Variants in IGF1R observed in about 807,000 individuals in gnomAD.
IGF1R encodes the protein insulin-like growth factor 1 receptor.
A neutral mutation model predicts 144.6 loss-of-function variants in IGF1R; 44 were observed. The ratio of observed to expected loss-of-function variants is 0.30; its 90% CI spans 0.24 to 0.39. The LOEUF (loss-of-function observed/expected upper bound fraction) is 0.39, where lower values mean the gene tolerates loss of function less well. IGF1R is among the 10% of genes least tolerant of loss of function. IGF1R has a pLI of 1.00. For synonymous variants in IGF1R, 795 were observed against 722.8 expected, an observed-to-expected ratio of 1.10 and a Z score of -1.60; for missense variants, 1,355 against 1,833.7, an observed-to-expected ratio of 0.74 and a Z score of 4.77.
chr15:98,764,098 A>G (rs1039397024), intron 2 of IGF1R, among the ~76,000 whole-genome samples: 5 of 152,222 alleles, frequency 3.3e-5, no homozygotes, highest in Non-Finnish European at 7.3e-5. Context: ...ATAAATAGAC[A>G]TTTAGTTTGC....
chr15:98,843,725 G>A lies in IGF1R; in HGVS notation c.641-47600G>A, dbSNP rs45517845. Reference sequence around the variant, plus strand: ...CTGAGCAATACGGAAGAAATTCACCGCTGGTTATAGGTCTTCAGTGCTTTC... The same window carrying A: ...CTGAGCAATACGGAAGAAATTCACCACTGGTTATAGGTCTTCAGTGCTTTC... On this transcript the variant is annotated intron_variant, in intron 2 of 20. Coordinates refer to ENST00000650285, the MANE Select transcript of IGF1R (RefSeq NM_000875.5). 9.2e-3 allele frequency among the ~76,000 whole-genome samples: 1,407 copies of A among 152,200 alleles called. 21 individuals carry two copies. Among genetic ancestry groups the A allele is most frequent in the African/African-American group, 0.032 (1,330 of 41,514 alleles).
chr15:98,901,348 G>C (rs923440171), intron 5 of IGF1R, among the ~76,000 whole-genome samples: 3 of 152,150 alleles, frequency 2.0e-5, no homozygotes, highest in Non-Finnish European at 4.4e-5. Context: ...GCTTCTAAGA[G>C]GCTCTTTCTT....
At chr15:98,905,302 A>G (rs1173323992) in intron 5 of IGF1R, among the ~76,000 whole-genome samples, 3 of 152,164 alleles carry the variant, frequency 2.0e-5, no homozygotes, top group Admixed American at 2.0e-4. Flanking sequence ...GAGAAGGCTG[A>G]GAACCAGGAT....
chr15:98,727,680 G>C (rs998487135), intron 2 of IGF1R, among the ~76,000 whole-genome samples: 1 of 152,226 alleles, frequency 6.6e-6, no homozygotes, highest in Non-Finnish European at 1.5e-5. Flanking sequence ...GGAGGGCAGA[G>C]AGCAGGTCTT....
At chr15:98,674,211 A>G (rs1158765131) in intron 1 of IGF1R, among the ~76,000 whole-genome samples, 1 of 152,232 alleles carries the variant, frequency 6.6e-6, no homozygotes, top group Non-Finnish European at 1.5e-5. Flanking sequence ...ACGGTTAGAC[A>G]TACCCAAAAG....
intron 1 of IGF1R, among the ~76,000 whole-genome samples, chr15:98,678,214 A>G (rs2053095912): frequency 6.6e-6 from 1 of 152,168 alleles, no homozygotes; most frequent in Non-Finnish European, 1.5e-5. Flanking sequence ...TCCCGTGTTA[A>G]ACTATTTTTG....
intron 1 of IGF1R, among the ~76,000 whole-genome samples, chr15:98,685,041 C>A (rs907048970): frequency 6.7e-6 from 1 of 149,924 alleles, no homozygotes; most frequent in Non-Finnish European, 1.5e-5. Context: ...GTCCCAGGCT[C>A]AAGGGATCCT....
At chr15:98,916,508 C>T (rs751031064) in intron 9 of IGF1R, 164 bp from the exon 10 acceptor site, 21 of 705,174 alleles carry the variant, frequency 3.0e-5, no homozygotes, top group African/African-American at 8.8e-5. Flanking sequence ...GTGATTTGCC[C>T]GCCTCGGCCT....
chr15:98,904,990 G>A (rs2014664214), intron 5 of IGF1R, among the ~76,000 whole-genome samples: 1 of 152,212 alleles, frequency 6.6e-6, no homozygotes, highest in African/African-American at 2.4e-5. Context: ...GCCTCAGCCA[G>A]AAAAGCAGGG....
chr15:98,677,824 G>A (rs565681154), intron 1 of IGF1R, among the ~76,000 whole-genome samples: 12 of 152,332 alleles, frequency 7.9e-5, no homozygotes, highest in Non-Finnish European at 4.4e-5. Flanking sequence ...CATGCAGCTG[G>A]CTAGAAGGTG....
At chr15:98,788,735 GGTGA>G (rs1219830614) in intron 2 of IGF1R, among the ~76,000 whole-genome samples, 3 of 152,156 alleles carry the variant, frequency 2.0e-5, no homozygotes, top group Non-Finnish European at 2.9e-5. Flanking sequence ...TGTTCTGGCC[GGTGA>G]TTCAGCTCCA....
At chr15:98,686,344 C>T (rs543766477) in intron 1 of IGF1R, among the ~76,000 whole-genome samples, 18 of 152,188 alleles carry the variant, frequency 1.2e-4, no homozygotes, top group Non-Finnish European at 2.5e-4. Flanking sequence ...GAGTTGCTCC[C>T]CCGCTTTGGC....
At chr15:98,826,796 CAG>C (rs2056902055) in intron 2 of IGF1R, among the ~76,000 whole-genome samples, 1 of 152,174 alleles carries the variant, frequency 6.6e-6, no homozygotes, top group Non-Finnish European at 1.5e-5. Context: ...GTGATAAAGA[CAG>C]AGGGAAGTGC....
intron 2 of IGF1R, among the ~76,000 whole-genome samples, chr15:98,724,776 G>A (rs930739792): frequency 5.3e-5 from 8 of 152,160 alleles, no homozygotes; most frequent in Non-Finnish European, 1.0e-4. Flanking sequence ...AGGGAGCCCC[G>A]GATGCCTCGG....
chr15:98,953,707 G>A (rs538180532), intron 20 of IGF1R, among the ~76,000 whole-genome samples: 1 of 152,280 alleles, frequency 6.6e-6, no homozygotes, highest in South Asian at 2.1e-4. Flanking sequence ...TGGTCTACAG[G>A]ATTCAGGAGG....
At chr15:98,729,306 G>A (rs770368667) in intron 2 of IGF1R, among the ~76,000 whole-genome samples, 5 of 152,174 alleles carry the variant, frequency 3.3e-5, no homozygotes, top group Non-Finnish European at 5.9e-5. Flanking sequence ...GTGAATGCTG[G>A]TTCAATCATT....
At chr15:98,898,836 C>G (rs2014330337) in intron 4 of IGF1R, among the ~76,000 whole-genome samples, 1 of 152,168 alleles carries the variant, frequency 6.6e-6, no homozygotes, top group Non-Finnish European at 1.5e-5. Flanking sequence ...GTTTGTACAT[C>G]TTTATTAGCA....
chr15:98,658,246 T>C (rs1224024477), intron 1 of IGF1R, among the ~76,000 whole-genome samples: 1 of 152,218 alleles, frequency 6.6e-6, no homozygotes, highest in East Asian at 1.9e-4. Flanking sequence ...TCTTCACTAC[T>C]CTGCTACTTC....
intron 2 of IGF1R, among the ~76,000 whole-genome samples, chr15:98,730,150 A>T (rs2054463862): frequency 6.6e-6 from 1 of 152,126 alleles, no homozygotes; most frequent in African/African-American, 2.4e-5. Flanking sequence ...CTAATGTCTG[A>T]GTGTACCACT....
Sources: gnomAD v4.1 joint callset for allele counts (sites outside exome capture counted in the v4.1 genomes callset) on GRCh38, gnomAD v4.1.1 for gene constraint, MANE v1.5 for transcripts, NCBI Gene and HGNC (gene_info 2026-07-23, HGNC 2026-07-21) for gene names.